BRINP1: variants seen among roughly 807,000 people sequenced by gnomAD.
The protein encoded by BRINP1 is BMP/retinoic acid-inducible neural-specific protein 1.
In BRINP1, 17 loss-of-function variants were observed where a neutral mutation model predicts 72.9. That is an observed-to-expected ratio of 0.23 (90% CI 0.16 to 0.35). The LOEUF is 0.35. Ranked by LOEUF, BRINP1 falls within the 10% of genes least tolerant of loss-of-function variation. The pLI is 1.00. For missense variants in BRINP1, 850 were observed against 1,001.6 expected (o/e 0.85, Z 2.04); for synonymous variants, 418 against 378.5 (o/e 1.10, Z -1.21).
At chr9:119,358,705 AAGAG>A (rs546658573) in intron 1 of BRINP1, among the ~76,000 whole-genome samples, 200 of 152,148 alleles carry the variant, frequency 1.3e-3, no homozygotes, top group Admixed American at 2.8e-3. Flanking sequence ...AAGAAAAAAA[AAGAG>A]AGAGAGAGAG....
intron 7 of BRINP1, 38 bp downstream of exon 7, chr9:119,208,681 T>G (rs367549867): frequency 4.6e-5 from 73 of 1,583,004 alleles, no homozygotes; most frequent in Admixed American, 8.4e-5. Context: ...TAACGCCAGG[T>G]AGGTGCCTGC....
chr9:119,355,548 A>G (rs367572474), intron 1 of BRINP1, among the ~76,000 whole-genome samples: 208 of 152,098 alleles, frequency 1.4e-3, no homozygotes, highest in African/African-American at 3.5e-3. Flanking sequence ...CTAACATGGT[A>G]AAACCCCATC....
chr9:119,330,966 G>A (rs1272560841), intron 1 of BRINP1, among the ~76,000 whole-genome samples: 1 of 152,152 alleles, frequency 6.6e-6, no homozygotes, highest in African/African-American at 2.4e-5. Flanking sequence ...GGTGGAGGCT[G>A]CAGCGAGCCG....
Position 119,218,080 on chromosome 9 carries a change from C to T in BRINP1, c.686-3925G>A, listed in dbSNP as rs536699476. Among the ~76,000 whole-genome samples the T allele has an allele frequency of 9.9e-5, 15 of 152,136 alleles. No individual in the cohort carries two copies. In the East Asian group the frequency reaches 2.7e-3, roughly 28 times the overall value. On this transcript the variant is annotated intron_variant, in intron 5 of 7. Transcript: ENST00000265922. ...GTTTTATTTCTAATAGTTTTTCTAT[C>T]ATCCCCATTAGAGAGTAGGCTCTAG...
chr9:119,267,255 G>A (rs948578678), intron 2 of BRINP1, among the ~76,000 whole-genome samples: 1 of 152,170 alleles, frequency 6.6e-6, no homozygotes, highest in Non-Finnish European at 1.5e-5. Flanking sequence ...CAACAGTGAT[G>A]CCATTCAATG....
chr9:119,312,988 A>C (rs1831084146), intron 2 of BRINP1, 150 bp downstream of exon 2: 8 of 841,162 alleles, frequency 9.5e-6, no homozygotes, highest in Non-Finnish European at 1.4e-5. Flanking sequence ...TGTGCAAAGA[A>C]AAAAAAAATT....
intron 7 of BRINP1, among the ~76,000 whole-genome samples, chr9:119,185,092 C>T (rs1829602473): frequency 6.6e-6 from 1 of 152,060 alleles, no homozygotes; most frequent in Non-Finnish European, 1.5e-5. Context: ...CCAGTGGGTA[C>T]TTCCGGTGGT....
intron 1 of BRINP1, among the ~76,000 whole-genome samples, chr9:119,323,746 T>C (rs1262520601): frequency 1.3e-5 from 2 of 152,188 alleles, no homozygotes; most frequent in South Asian, 2.1e-4. Context: ...CACTTCTCCA[T>C]TGTTGGCCAA....
At chr9:119,201,702 A>G (rs1829806503) in intron 7 of BRINP1, among the ~76,000 whole-genome samples, 1 of 152,188 alleles carries the variant, frequency 6.6e-6, no homozygotes, top group Non-Finnish European at 1.5e-5. Flanking sequence ...TCTTTTTAGC[A>G]CACCCAGAGG....
intron 3 of BRINP1, among the ~76,000 whole-genome samples, chr9:119,247,302 C>CTGGTTGGT (rs10643542): frequency 1.3e-4 from 20 of 151,092 alleles, no homozygotes; most frequent in African/African-American, 2.9e-4. Flanking sequence ...CTAACACATG[C>CTGGTTGGT]TGGTTGGTTG....
chr9:119,172,832 C>G (rs1829432414), intron 7 of BRINP1, among the ~76,000 whole-genome samples: 1 of 151,960 alleles, frequency 6.6e-6, no homozygotes, highest in East Asian at 1.9e-4. Context: ...TCAATATACG[C>G]AAATCAATAA....
chr9:119,279,220 T>A (rs1005358985), intron 2 of BRINP1, among the ~76,000 whole-genome samples: 1 of 152,226 alleles, frequency 6.6e-6, no homozygotes, highest in Non-Finnish European at 1.5e-5. Context: ...TAATTTAATA[T>A]TTGAAAACAA....
intron 5 of BRINP1, among the ~76,000 whole-genome samples, chr9:119,224,656 T>A (rs1830073020): frequency 6.6e-6 from 1 of 152,082 alleles, no homozygotes; most frequent in Non-Finnish European, 1.5e-5. Context: ...AGATGTCTTC[T>A]TCATTTCAGA....
chr9:119,334,032 T>C (rs1040632911), intron 1 of BRINP1, among the ~76,000 whole-genome samples: 17 of 152,070 alleles, frequency 1.1e-4, no homozygotes, highest in African/African-American at 4.1e-4. Flanking sequence ...GCCCATACAC[T>C]CCCTGACAGA....
intron 1 of BRINP1, among the ~76,000 whole-genome samples, chr9:119,339,649 G>A (rs1189405174): frequency 1.3e-5 from 2 of 152,140 alleles, no homozygotes; most frequent in African/African-American, 4.8e-5. Flanking sequence ...ACTGCACTTT[G>A]CTGTCTTTTT....
At chr9:119,330,350 T>G (rs1365135759) in intron 1 of BRINP1, among the ~76,000 whole-genome samples, 1 of 152,164 alleles carries the variant, frequency 6.6e-6, no homozygotes, top group Non-Finnish European at 1.5e-5. Context: ...TGCTCTTCCC[T>G]CCAGCATACC....
At chr9:119,262,393 G>T (rs898121597) in intron 2 of BRINP1, among the ~76,000 whole-genome samples, 1 of 152,056 alleles carries the variant, frequency 6.6e-6, no homozygotes, top group Non-Finnish European at 1.5e-5. Context: ...CAGCACTTTG[G>T]GAGGTCGAGG....
At chr9:119,350,285 C>T (rs16908302) in intron 1 of BRINP1, among the ~76,000 whole-genome samples, 19,179 of 152,048 alleles carry the variant, frequency 0.13, 1,368 homozygotes, top group African/African-American at 0.19. Context: ...GAGCCCTACC[C>T]GAGAAAATCT....
intron 2 of BRINP1, among the ~76,000 whole-genome samples, chr9:119,260,270 A>G (rs1013269837): frequency 6.6e-6 from 1 of 152,196 alleles, no homozygotes; most frequent in Non-Finnish European, 1.5e-5. Context: ...ATAAATTTTT[A>G]TTGGAAAACT....
Sources: allele counts gnomAD v4.1 joint callset (sites outside exome capture counted in the v4.1 genomes callset), GRCh38; gene constraint gnomAD v4.1.1; transcripts MANE v1.5; gene names NCBI Gene and HGNC (gene_info 2026-07-23, HGNC 2026-07-21).